PRLR: variants seen among roughly 807,000 people sequenced by gnomAD.
PRLR encodes the protein prolactin receptor.
A neutral mutation model predicts 40.2 loss-of-function variants in PRLR; 13 were observed. The ratio of observed to expected loss-of-function variants is 0.32; its 90% CI spans 0.21 to 0.51. The LOEUF (loss-of-function observed/expected upper bound fraction) is 0.51, where lower values mean the gene tolerates loss of function less well. Among genes scored for constraint, PRLR ranks in the 20% least tolerant of loss-of-function variants. PRLR has a pLI of 0.97. For missense variants in PRLR, 656 were observed against 747.3 expected (o/e 0.88, Z 1.42); for synonymous variants, 269 against 278.7 (o/e 0.97, Z 0.35).
At chr5:35,067,016 G>A (rs1167511795) in intron 9 of PRLR, among the ~76,000 whole-genome samples, 1 of 152,068 alleles carries the variant, frequency 6.6e-6, no homozygotes, top group African/African-American at 2.4e-5. Flanking sequence ...GCCCGCCTCT[G>A]CCTTCCAAAG....
In PRLR at chr5:35,072,707, T is replaced by G. The variant is rs777988760; in HGVS notation, c.411A>C (p.Val137=). ...PDPPLELAVE[V]KQPEDRKPYL... ...AGGGTTTTCTGTCTTCTGGCTGTTT[T>G]ACTTCCACAGCCAGCTCCAAAGGAG... The change falls in exon 6 of 10, where the codon GTA becomes GTC. Residue 137 remains valine (V), a synonymous_variant. Transcript: ENST00000618457. 2 of 1,614,202 alleles carry G rather than the reference T, an allele frequency of 1.2e-6. No homozygotes were observed. Among genetic ancestry groups the G allele is most frequent in the East Asian group, 4.5e-5 (2 of 44,880 alleles).
At chr5:35,113,187 CATCT>C (rs1292234030) in intron 2 of PRLR, among the ~76,000 whole-genome samples, 1 of 150,938 alleles carries the variant, frequency 6.6e-6, no homozygotes, top group Non-Finnish European at 1.5e-5. Context: ...TCCACCCACC[CATCT>C]ATCCATCCAT....
At chr5:35,219,084 C>A (rs1050772121) in intron 1 of PRLR, among the ~76,000 whole-genome samples, 14 of 152,128 alleles carry the variant, frequency 9.2e-5, no homozygotes, top group African/African-American at 2.9e-4. Context: ...AGATGTGAGG[C>A]CTTCCTGGAG....
intron 5 of PRLR, among the ~76,000 whole-genome samples, chr5:35,083,299 C>T (rs1770634747): frequency 6.6e-6 from 1 of 152,100 alleles, no homozygotes. Flanking sequence ...AAAAGCAGGT[C>T]AGGTCCATGA....
intron 2 of PRLR, among the ~76,000 whole-genome samples, chr5:35,107,572 C>T (rs1442321954): frequency 6.6e-6 from 1 of 152,104 alleles, no homozygotes; most frequent in Non-Finnish European, 1.5e-5. Context: ...GAAATACAAA[C>T]TACCATCAGA....
At chr5:35,172,023 C>T (rs1483124739) in intron 1 of PRLR, among the ~76,000 whole-genome samples, 1 of 152,152 alleles carries the variant, frequency 6.6e-6, no homozygotes, top group Admixed American at 6.5e-5. Context: ...GCTGGGGCAG[C>T]TTTGTGAAAC....
intron 2 of PRLR, among the ~76,000 whole-genome samples, chr5:35,091,898 T>G (rs1410699951): frequency 6.6e-6 from 1 of 152,220 alleles, no homozygotes; most frequent in Non-Finnish European, 1.5e-5. Flanking sequence ...ATCCCTTTAT[T>G]GAGACTTCCT....
At chr5:35,220,859 C>G (rs1776397231) in intron 1 of PRLR, among the ~76,000 whole-genome samples, 1 of 152,188 alleles carries the variant, frequency 6.6e-6, no homozygotes, top group Admixed American at 6.5e-5. Flanking sequence ...TCCATCAAAT[C>G]TAATACAAAA....
At chr5:35,154,207 G>A (rs751369166) in intron 1 of PRLR, among the ~76,000 whole-genome samples, 1 of 152,146 alleles carries the variant, frequency 6.6e-6, no homozygotes, top group Non-Finnish European at 1.5e-5. Context: ...AGACCTCTGA[G>A]AAGTCAGAGG....
chr5:35,124,438 C>A (rs1452461227), intron 1 of PRLR, among the ~76,000 whole-genome samples: 1 of 152,046 alleles, frequency 6.6e-6, no homozygotes, highest in Non-Finnish European at 1.5e-5. Context: ...GGCTACAAGA[C>A]CAGAAAAGGG....
At chr5:35,210,382 A>T (rs1402741289) in intron 1 of PRLR, among the ~76,000 whole-genome samples, 2 of 152,226 alleles carry the variant, frequency 1.3e-5, no homozygotes. Flanking sequence ...AATTTTGCAG[A>T]ATCATTCCCA....
At chr5:35,182,636 G>A (rs13159459) in intron 1 of PRLR, among the ~76,000 whole-genome samples, 2 of 152,072 alleles carry the variant, frequency 1.3e-5, no homozygotes, top group Non-Finnish European at 2.9e-5. Flanking sequence ...GGCCTTTGCT[G>A]TTTCCACAGT....
At chr5:35,190,090 G>A (rs1054254322) in intron 1 of PRLR, among the ~76,000 whole-genome samples, 2 of 152,134 alleles carry the variant, frequency 1.3e-5, no homozygotes, top group Non-Finnish European at 2.9e-5. Context: ...GAGGTGAGTC[G>A]GCTTCCAGCA....
chr5:35,067,605 A>T (rs1769460902), intron 9 of PRLR, among the ~76,000 whole-genome samples: 1 of 152,226 alleles, frequency 6.6e-6, no homozygotes, highest in Non-Finnish European at 1.5e-5. Context: ...GTTAAGCTTA[A>T]AAGCCAAACT....
chr5:35,174,216 A>C (rs989584238), intron 1 of PRLR, among the ~76,000 whole-genome samples: 1 of 152,002 alleles, frequency 6.6e-6, no homozygotes, highest in African/African-American at 2.4e-5. Flanking sequence ...CAGCCTCCCA[A>C]GTAGCTGGGA....
At chr5:35,131,236 G>T (rs1209507150) in intron 1 of PRLR, among the ~76,000 whole-genome samples, 2 of 152,172 alleles carry the variant, frequency 1.3e-5, no homozygotes, top group African/African-American at 4.8e-5. Context: ...GATGGTATGG[G>T]ATTTTGTTGG....
intron 5 of PRLR, among the ~76,000 whole-genome samples, chr5:35,076,893 A>G (rs1184206876): frequency 1.3e-5 from 2 of 152,234 alleles, no homozygotes; most frequent in Admixed American, 1.3e-4. Flanking sequence ...CCAATATTCA[A>G]CATTCTCAAA....
At chr5:35,108,319 A>C (rs1772411258) in intron 2 of PRLR, among the ~76,000 whole-genome samples, 1 of 152,218 alleles carries the variant, frequency 6.6e-6, no homozygotes, top group Non-Finnish European at 1.5e-5. Context: ...GGCACAAGAC[A>C]GGGATGCCCT....
chr5:35,094,820 TG>T (rs1444240775), intron 2 of PRLR, among the ~76,000 whole-genome samples: 1 of 149,298 alleles, frequency 6.7e-6, no homozygotes, highest in Non-Finnish European at 1.5e-5. Flanking sequence ...TTCCAGGAGT[TG>T]GGCTTTTTTT....
Sources: gnomAD v4.1 joint callset for allele counts (sites outside exome capture counted in the v4.1 genomes callset) on GRCh38, gnomAD v4.1.1 for gene constraint, MANE v1.5 for transcripts, NCBI Gene and HGNC (gene_info 2026-07-23, HGNC 2026-07-21) for gene names.